The following ERMAP variants were observed in gnomAD, a reference collection of about 807,000 sequenced individuals.
The protein encoded by ERMAP is erythroid membrane-associated protein.
A neutral mutation model predicts 49.5 loss-of-function variants in ERMAP; 34 were observed. That is an observed-to-expected ratio of 0.69 (90% CI 0.52 to 0.91). The LOEUF is 0.91. Among genes scored for constraint, ERMAP ranks in the 40% least tolerant of loss-of-function variants. The pLI, the probability that ERMAP is intolerant of heterozygous loss-of-function variation, is 0.00. For missense variants in ERMAP, 541 were observed against 582.6 expected (o/e 0.93, Z 0.74); for synonymous variants, 214 against 232.2 (o/e 0.92, Z 0.71).
intron 1 of ERMAP, among the ~76,000 whole-genome samples, chr1:42,824,277 G>A (rs1425977988): frequency 1.3e-5 from 2 of 151,916 alleles, no homozygotes; most frequent in Non-Finnish European, 2.9e-5. Flanking sequence ...GAGCCCAGGA[G>A]GCGGAGCTTG....
rs371163467 is a variant in ERMAP, at chr1:42,843,462, A to G, written c.*230A>G. ...TGGAGGGAGGATTCCTGGAAACCAA[A>G]CAATCAGTTTAGGTGCAGGTGGAGA... On this transcript the variant is annotated 3_prime_UTR_variant, in exon 12 of 12. Transcript: ENST00000372517. The G allele has an allele frequency of 1.1e-5, 5 of 448,890 alleles. No individual in the cohort carries two copies. Among genetic ancestry groups the G allele is most frequent in the African/African-American group, 8.0e-5 (4 of 50,040 alleles). The allele number at this position is 448,890 out of a possible 1,614,324, so 27.8% of individuals were successfully genotyped here. A position where few individuals can be genotyped will look rare whatever the true frequency, so the allele number is the denominator to read the frequency against.
chr1:42,837,191 G>C lies in ERMAP; in HGVS notation c.616+1G>C. ...CTTTCAGACCATGCTAAAGAAAAAG[G>C]TAATGATATAAAAGAGTAAGGGGTA... On this transcript the variant is annotated splice_donor_variant, in intron 7 of 11. Coordinates refer to ENST00000372517, the MANE Select transcript of ERMAP (RefSeq NM_001017922.2). LOFTEE classifies it high-confidence loss of function. 1 of 1,613,590 alleles carries C rather than the reference G, an allele frequency of 6.2e-7. No individual in the cohort carries two copies. The highest frequency in any genetic ancestry group is 8.5e-7 in the Non-Finnish European group (1 of 1,179,578).
At chr1:42,833,613 A>G (rs1342268356) in intron 4 of ERMAP, among the ~76,000 whole-genome samples, 1 of 152,200 alleles carries the variant, frequency 6.6e-6, no homozygotes, top group African/African-American at 2.4e-5. Flanking sequence ...GAAGGGTGCA[A>G]TGAACATCTT....
rs903464583 is a variant in ERMAP, at chr1:42,819,337, G to C, written c.-122+2084G>C. Among the ~76,000 whole-genome samples, 1 of 151,884 alleles carries C rather than the reference G, an allele frequency of 6.6e-6. No homozygotes were observed. The highest frequency in any genetic ancestry group is 1.5e-5 in the Non-Finnish European group (1 of 67,850). On this transcript the variant is annotated intron_variant, in intron 1 of 11. Coordinates refer to ENST00000372517, the MANE Select transcript of ERMAP (RefSeq NM_001017922.2). The surrounding 1 kb of genome is among the most constrained non-coding windows in gnomAD (Gnocchi z 5.1). Reference sequence around the variant, plus strand: ...AGAACGGAACTGGAGATACCAGTTTGGGATTCTACATTCTTTATTGGGAAG... The same window carrying C: ...AGAACGGAACTGGAGATACCAGTTTCGGATTCTACATTCTTTATTGGGAAG...
At position 42,819,168 on chromosome 1, in the gene ERMAP, A is replaced by AGT. The variant is rs1422339677; in HGVS notation, c.-122+1916_-122+1917insTG. Reference sequence around the variant, plus strand: ...ACGGTGAGGAAGAGGATAAGTTAGGAGCGTGTGTGTGTGTGTGTGTGTGTG... The same window carrying AGT: ...ACGGTGAGGAAGAGGATAAGTTAGGAGTGCGTGTGTGTGTGTGTGTGTGTGTG... On this transcript the variant is annotated intron_variant, in intron 1 of 11. Transcript: ENST00000372517. This position sits in a 1 kb window ranked among gnomAD's most constrained non-coding sequence, Gnocchi z 5.1. 1.1e-5 allele frequency among the ~76,000 whole-genome samples: 1 copy of AGT among 94,234 alleles called. No individual in the cohort carries two copies. The highest frequency in any genetic ancestry group is 2.2e-5 in the Non-Finnish European group (1 of 45,180). 61.8% of individuals were successfully genotyped at this position (94,234 alleles called of 152,430 possible).
chr1:42,839,966 A>G, intron 8 of ERMAP, 67 bp from the exon 9 acceptor site: 1 of 1,483,532 alleles, frequency 6.7e-7, no homozygotes, highest in Non-Finnish European at 9.4e-7. Context: ...ATGGGACTGT[A>G]GCATTATGGG....
At chr1:42,821,855 T>A (rs908196569) in intron 1 of ERMAP, among the ~76,000 whole-genome samples, 5 of 151,442 alleles carry the variant, frequency 3.3e-5, no homozygotes, top group South Asian at 4.2e-4. Context: ...TACAAAAAAA[T>A]TTTTAAAAAT....
At chr1:42,832,642 C>G (rs1342399887) in intron 4 of ERMAP, among the ~76,000 whole-genome samples, 3 of 152,200 alleles carry the variant, frequency 2.0e-5, no homozygotes, top group African/African-American at 7.2e-5. Context: ...GCTGGAATTA[C>G]AGGCATGAGC....
At chr1:42,821,111 T>C (rs1445852359) in intron 1 of ERMAP, among the ~76,000 whole-genome samples, 1 of 152,200 alleles carries the variant, frequency 6.6e-6, no homozygotes, top group South Asian at 2.1e-4. Context: ...TTTTCCTAGC[T>C]CTATTACTAG....
At chr1:42,828,756 C>T (rs1477162937) in intron 2 of ERMAP, among the ~76,000 whole-genome samples, 1 of 152,044 alleles carries the variant, frequency 6.6e-6, no homozygotes. Context: ...CCTTGGCCTC[C>T]CGAAAGTGCA....
chr1:42,833,735 A>G (rs1654816257), intron 4 of ERMAP, among the ~76,000 whole-genome samples: 1 of 151,904 alleles, frequency 6.6e-6, no homozygotes, highest in African/African-American at 2.4e-5. Flanking sequence ...TTTTTTATTT[A>G]TAATAAAGAT....
intron 1 of ERMAP, 180 bp from the exon 2 acceptor site, chr1:42,825,443 T>C (rs944505224): frequency 1.4e-5 from 16 of 1,149,828 alleles, no homozygotes; most frequent in Non-Finnish European, 1.6e-5. Flanking sequence ...TCAGTCATAC[T>C]CAGTGGTTCC....
At chr1:42,820,383 T>C (rs200521845) in intron 1 of ERMAP, among the ~76,000 whole-genome samples, 13 of 302 alleles carry the variant, frequency 0.043, no homozygotes, top group Admixed American at 0.14. Context: ...CAGTTTCTCT[T>C]TTTTTTTTTT....
chr1:42,831,678 G>A (rs1654746868), intron 4 of ERMAP, among the ~76,000 whole-genome samples: 1 of 148,950 alleles, frequency 6.7e-6, no homozygotes, highest in Non-Finnish European at 1.5e-5. Flanking sequence ...TGACCACCTG[G>A]GCTCAAGTAA....
At chr1:42,838,815 G>C in intron 7 of ERMAP, 86 bp from the exon 8 acceptor site, 22 of 1,591,380 alleles carry the variant, frequency 1.4e-5, no homozygotes, top group Non-Finnish European at 1.8e-5. Context: ...TTAATCTTGT[G>C]GGTTGGAGTG....
chr1:42,824,391 C>T (rs1349698492), intron 1 of ERMAP: 1 of 151,692 alleles, frequency 6.6e-6, no homozygotes, highest in Non-Finnish European at 1.5e-5. Context: ...TTTATAAAAG[C>T]TAAAGCCCAG....
chr1:42,821,859 T>A (rs961012088), intron 1 of ERMAP, among the ~76,000 whole-genome samples: 18 of 151,614 alleles, frequency 1.2e-4, no homozygotes, highest in East Asian at 3.9e-4. Flanking sequence ...AAAAAATTTT[T>A]AAAAATAGCT....
Position 42,830,346 on chromosome 1 carries a change from G to A in ERMAP, c.-5-98G>A, listed in dbSNP as rs1045802218. Reference sequence around the variant, plus strand: ...GAGCCCCGGCCTTTGTGATCCCAGAGCACCAGCAATACCGTCTCGGCCTCG... The same window carrying A: ...GAGCCCCGGCCTTTGTGATCCCAGAACACCAGCAATACCGTCTCGGCCTCG... On this transcript the variant is annotated intron_variant, in intron 2 of 11. Coordinates refer to ENST00000372517, the MANE Select transcript of ERMAP (RefSeq NM_001017922.2). 173 of 1,027,676 alleles carry A rather than the reference G, an allele frequency of 1.7e-4. 1 individual carries two copies. Among genetic ancestry groups the A allele is most frequent in the South Asian group, 1.6e-3 (120 of 75,248 alleles). 63.7% of individuals were successfully genotyped at this position (1,027,676 alleles called of 1,614,324 possible). A position where few individuals can be genotyped will look rare whatever the true frequency, so the allele number is the denominator to read the frequency against.
chr1:42,839,019 G>C (rs777401931), intron 8 of ERMAP, 98 bp downstream of exon 8: 4 of 1,598,462 alleles, frequency 2.5e-6, no homozygotes. Context: ...AGAAGGGAGG[G>C]GGTACTGGTA....
Sources: allele counts gnomAD v4.1 joint callset (sites outside exome capture counted in the v4.1 genomes callset), GRCh38; gene constraint gnomAD v4.1.1; non-coding constraint Gnocchi (gnomAD v3.1); transcripts MANE v1.5; gene names NCBI Gene and HGNC (gene_info 2026-07-23, HGNC 2026-07-21).